ALMS1: variants seen among roughly 807,000 people sequenced by gnomAD.
ALMS1 encodes the protein centrosome-associated protein ALMS1.
Under a neutral mutation model 352.2 loss-of-function variants are expected in ALMS1, and 271 were observed. That is an observed-to-expected ratio of 0.77 (90% CI 0.70 to 0.85). The LOEUF is 0.85. Ranked by LOEUF, ALMS1 falls within the 40% of genes least tolerant of loss-of-function variation. ALMS1 has a pLI of 0.00. For missense variants in ALMS1, 5,445 were observed against 4,870.7 expected (o/e 1.12, Z -3.51); for synonymous variants, 1,865 against 1,761.2 (o/e 1.06, Z -1.48).
chr2:73,488,963 C>G (rs1460364290), intron 9 of ALMS1, among the ~76,000 whole-genome samples: 1 of 152,116 alleles, frequency 6.6e-6, no homozygotes, highest in Non-Finnish European at 1.5e-5. Context: ...TAGAGTGGCT[C>G]AAATAAGATA....
At position 73,386,060 on chromosome 2, in the gene ALMS1, T is replaced by C; in HGVS notation, c.192T>C (p.His64=). The change falls in exon 1 of 23, where the codon CAT becomes CAC. Residue 64 remains histidine, a synonymous_variant. Transcript: ENST00000613296. ...CCGACTCTCACTACGGGCCCCAGCA[T>C]CTGGAAAGTATAGACGACGAGGAGG... ...LDSDSHYGPQ[H]LESIDDEEDE... The C allele has an allele frequency of 6.3e-7, 1 of 1,589,976 alleles. No individual in the cohort carries two copies.
Position 73,422,987 on chromosome 2 carries a change from A to G in ALMS1, c.764+13A>G. 1 of 1,577,356 alleles carries G rather than the reference A, an allele frequency of 6.3e-7. No individual in the cohort carries two copies. Among genetic ancestry groups the G allele is most frequent in the East Asian group, 2.2e-5 (1 of 44,644 alleles). ...TTGCACCTCTGAGGTAGGATGATTT[A>G]TTTGCATGTAACCTTTCTCACTTCT... On this transcript the variant is annotated intron_variant, in intron 4 of 22. Transcript: ENST00000613296.
At chr2:73,414,151 C>G (rs1476957190) in intron 2 of ALMS1, among the ~76,000 whole-genome samples, 1 of 152,028 alleles carries the variant, frequency 6.6e-6, no homozygotes, top group African/African-American at 2.4e-5. Context: ...TTTTCTAATC[C>G]ATAAACATGA....
At chr2:73,487,034 C>G (rs1672863701) in intron 9 of ALMS1, among the ~76,000 whole-genome samples, 1 of 152,150 alleles carries the variant, frequency 6.6e-6, no homozygotes, top group South Asian at 2.1e-4. Context: ...GGTGACACAG[C>G]AAGACCCTGT....
At position 73,449,075 on chromosome 2, in the gene ALMS1, A is replaced by G. The variant is rs1304119807; in HGVS notation, c.2548A>G (p.Thr850Ala). ...TGGACCAGCTGACGGAAAGACTGGG[A>G]CACCAGCTGTAACCTCTACTTCCTC... ...VSGPADGKTG[T>A]PAVTSTSSAS... Residue 850 changes from threonine to alanine, a missense_variant, in exon 8 of 23, where the codon ACA (threonine) becomes GCA (alanine). Thr to Ala is a moderately conservative substitution (Grantham distance 58). Transcript: ENST00000613296. 14 of 1,614,152 alleles carry G rather than the reference A, an allele frequency of 8.7e-6. No individual in the cohort carries two copies. The highest frequency in any genetic ancestry group is 1.1e-5 in the Non-Finnish European group (13 of 1,179,996).
chr2:73,502,448 A>G (rs1222639688), intron 10 of ALMS1, among the ~76,000 whole-genome samples: 3 of 152,256 alleles, frequency 2.0e-5, no homozygotes, highest in South Asian at 4.1e-4. Flanking sequence ...ATATGATACC[A>G]AAACAAGTAG....
rs113998324 is a variant in ALMS1, at chr2:73,417,892, C to T, written c.451-1231C>T. Among the ~76,000 whole-genome samples, 859 of 152,214 alleles carry T rather than the reference C, an allele frequency of 5.6e-3. 4 individuals carry two copies. Among genetic ancestry groups the T allele is most frequent in the South Asian group, 0.013 (62 of 4,818 alleles). On this transcript the variant is annotated intron_variant, in intron 2 of 22. Coordinates refer to ENST00000613296, the MANE Select transcript of ALMS1 (RefSeq NM_001378454.1). Reference sequence around the variant, plus strand: ...AGTATTTAATACGACTTTAATTCAGCATTGTTATTTAGTGTGATCTGTAGA... The same window carrying T: ...AGTATTTAATACGACTTTAATTCAGTATTGTTATTTAGTGTGATCTGTAGA...
At chr2:73,566,063 A>G (rs1160034419) in intron 15 of ALMS1, among the ~76,000 whole-genome samples, 1 of 152,196 alleles carries the variant, frequency 6.6e-6, no homozygotes, top group Non-Finnish European at 1.5e-5. Context: ...TATTAATGTA[A>G]GGTGTTAATA....
chr2:73,451,429 C>T lies in ALMS1; in HGVS notation c.4902C>T (p.Asp1634=), dbSNP rs1553403951. 4.3e-6 allele frequency: 7 copies of T among 1,613,220 alleles called. No homozygotes were observed. Among genetic ancestry groups the T allele is most frequent in the Non-Finnish European group, 5.1e-6 (6 of 1,179,724 alleles). Residue 1634 remains aspartate (D), a synonymous_variant, in exon 8 of 23, where the codon GAC becomes GAT. Coordinates refer to ENST00000613296, the MANE Select transcript of ALMS1 (RefSeq NM_001378454.1). ...PITFYRQALL[D]SPLNKEVVKV... ...CTTTCTACCGGCAGGCTCTGCTAGACAGTCCTCTAAATAAAGAGGTTGTGA... is the reference window on the plus strand; with the variant it reads ...CTTTCTACCGGCAGGCTCTGCTAGATAGTCCTCTAAATAAAGAGGTTGTGA...
At chr2:73,524,503 T>A (rs1483119791) in intron 11 of ALMS1, among the ~76,000 whole-genome samples, 1 of 152,188 alleles carries the variant, frequency 6.6e-6, no homozygotes, top group Non-Finnish European at 1.5e-5. Context: ...TCACCCAGGC[T>A]GGAGTACAGT....
At chr2:73,604,461 A>G (rs912756017) in intron 21 of ALMS1, among the ~76,000 whole-genome samples, 3 of 152,258 alleles carry the variant, frequency 2.0e-5, no homozygotes, top group Non-Finnish European at 4.4e-5. Context: ...ATTGATCATG[A>G]GAATGCCAGA....
intron 7 of ALMS1, among the ~76,000 whole-genome samples, chr2:73,436,970 G>A (rs894509537): frequency 2.0e-5 from 3 of 152,158 alleles, no homozygotes; most frequent in African/African-American, 7.2e-5. Context: ...TTCTAAACTG[G>A]ACGTTTTGGA....
Position 73,464,493 on chromosome 2 carries a change from C to T in ALMS1, c.7674+9198C>T, listed in dbSNP as rs895694485. On this transcript the variant is annotated intron_variant, in intron 9 of 22. Coordinates refer to ENST00000613296, the MANE Select transcript of ALMS1 (RefSeq NM_001378454.1). The stretch of plus-strand genomic sequence containing the variant: ...GACAAACCCACAGCCAATATCATAC[C>T]GAATGGGCAAAAACTGGAAGCATTC... Among the ~76,000 whole-genome samples, 61 of 152,154 alleles carry T rather than the reference C, an allele frequency of 4.0e-4. No individual in the cohort carries two copies. The Middle Eastern group carries it at 0.014, about 34-fold the overall frequency.
chr2:73,485,823 A>G (rs554854348), intron 9 of ALMS1, among the ~76,000 whole-genome samples: 1 of 152,138 alleles, frequency 6.6e-6, no homozygotes, highest in Admixed American at 6.5e-5. Context: ...TTCGGGTGGG[A>G]GTGACCCGAT....
rs772087135 is a variant in ALMS1 at position 73,601,258 on chromosome 2, A to G, written c.11936A>G (p.Asn3979Ser). The G allele has an allele frequency of 6.2e-7, 1 of 1,614,230 alleles. No individual in the cohort carries two copies. Among genetic ancestry groups the G allele is most frequent in the Non-Finnish European group, 8.5e-7 (1 of 1,180,040 alleles). The change falls in exon 19 of 23, where the codon AAC becomes AGC. Residue 3979 changes from asparagine (N) to serine (S), a missense_variant. Coordinates refer to ENST00000613296, the MANE Select transcript of ALMS1 (RefSeq NM_001378454.1). ...AGATCAAAGAAGGAAAACGTGCCTA[A>G]CACTTGTGGCCCTGGCATCTCCTGG... Reference protein sequence around the residue: ...ESRSKKENVPNTCGPGISWFE... With the variant: ...ESRSKKENVPSTCGPGISWFE...
At chr2:73,599,295 A>G (rs1269032730) in intron 16 of ALMS1, 106 bp from the exon 17 acceptor site, 2 of 1,441,624 alleles carry the variant, frequency 1.4e-6, no homozygotes, top group African/African-American at 2.8e-5. Context: ...ATGCATCTCA[A>G]CAGTTTGAAT....
At chr2:73,514,729 T>G (rs1673522317) in intron 10 of ALMS1, among the ~76,000 whole-genome samples, 2 of 152,214 alleles carry the variant, frequency 1.3e-5, no homozygotes. Context: ...AAATTTCCTT[T>G]AGTATTTCCT....
Position 73,482,175 on chromosome 2 carries a change from T to G in ALMS1, c.7675-7459T>G, listed in dbSNP as rs1195670660. ...TGTGCCGGTTTTCAAAGGGAATGCTTCCAGTTTTTGGGCATTCAGTATGAT... is the reference window on the plus strand; with the variant it reads ...TGTGCCGGTTTTCAAAGGGAATGCTGCCAGTTTTTGGGCATTCAGTATGAT... On this transcript the variant is annotated intron_variant, in intron 9 of 22. Transcript: ENST00000613296. 7.2e-5 allele frequency among the ~76,000 whole-genome samples: 11 copies of G among 152,348 alleles called. No homozygotes were observed. The East Asian group carries it at 2.1e-3, about 29-fold the overall frequency.
intron 9 of ALMS1, among the ~76,000 whole-genome samples, chr2:73,483,836 T>C (rs1672766403): frequency 6.8e-6 from 1 of 146,442 alleles, no homozygotes; most frequent in Non-Finnish European, 1.5e-5. Flanking sequence ...AATGGCCTTC[T>C]TTGTCTCTTT....
Sources: gnomAD v4.1 joint callset for allele counts (sites outside exome capture counted in the v4.1 genomes callset) on GRCh38, gnomAD v4.1.1 for gene constraint, MANE v1.5 for transcripts, NCBI Gene and HGNC (gene_info 2026-07-23, HGNC 2026-07-21) for gene names.